The following PCSK5 variants were observed in gnomAD, a reference collection of about 807,000 sequenced individuals.
PCSK5 encodes proprotein convertase subtilisin/kexin type 5.
A neutral mutation model predicts 233.2 loss-of-function variants in PCSK5; 129 were observed. The ratio of observed to expected loss-of-function variants is 0.55; its 90% CI spans 0.48 to 0.64. PCSK5 has a LOEUF of 0.64. Among genes scored for constraint, PCSK5 ranks in the 30% least tolerant of loss-of-function variants. The probability of loss-of-function intolerance (pLI) is 0.00; values close to 1 mark genes in which losing one functional copy is unlikely to be tolerated. For missense variants in PCSK5, 2,076 were observed against 2,430.1 expected (o/e 0.85, Z 3.06); for synonymous variants, 825 against 879.2 (o/e 0.94, Z 1.09).
intron 2 of PCSK5, among the ~76,000 whole-genome samples, chr9:75,970,169 G>A (rs958641976): frequency 2.6e-5 from 4 of 152,042 alleles, no homozygotes; most frequent in South Asian, 4.1e-4. Flanking sequence ...CACCATGCCC[G>A]GCCACAGAAA....
chr9:76,017,919 C>T (rs1398629806), intron 3 of PCSK5, among the ~76,000 whole-genome samples: 1 of 150,756 alleles, frequency 6.6e-6, no homozygotes, highest in Non-Finnish European at 1.5e-5. Context: ...TCAAAAAGAA[C>T]CCATCAACTT....
intron 34 of PCSK5, among the ~76,000 whole-genome samples, chr9:76,337,360 A>G (rs1829707274): frequency 6.6e-6 from 1 of 151,682 alleles, no homozygotes; most frequent in Admixed American, 6.6e-5. Flanking sequence ...AGTAGAGATG[A>G]GGTTTCACCA....
At position 76,008,282 on chromosome 9, in the gene PCSK5, T is replaced by G. The variant is rs113718911; in HGVS notation, c.412-15456T>G. Among the ~76,000 whole-genome samples the G allele has an allele frequency of 9.2e-3, 1,399 of 152,280 alleles. 13 individuals are homozygous for G. The highest frequency in any genetic ancestry group is 0.02 in the Middle Eastern group (6 of 294). ...TGTTGTGTTCCTTTTTTCCTACTTA[T>G]GATATAAATCTGTGTTTAAAAATTT... is the stretch of plus-strand genomic sequence containing the variant. On this transcript the variant is annotated intron_variant, in intron 3 of 37. Coordinates refer to ENST00000674117, the MANE Select transcript of PCSK5 (RefSeq NM_001372043.1).
At chr9:76,134,647 A>G (rs1226918996) in intron 10 of PCSK5, among the ~76,000 whole-genome samples, 2 of 152,012 alleles carry the variant, frequency 1.3e-5, no homozygotes, top group African/African-American at 4.8e-5. Context: ...CATTCTACAA[A>G]TTTTGTTTTT....
chr9:76,277,036 T>A (rs1827715006), intron 24 of PCSK5, among the ~76,000 whole-genome samples: 1 of 152,086 alleles, frequency 6.6e-6, no homozygotes, highest in Non-Finnish European at 1.5e-5. Context: ...GAGACCAACC[T>A]GGCCAACATG....
At chr9:75,967,751 AG>A (rs1338971150) in intron 2 of PCSK5, among the ~76,000 whole-genome samples, 2 of 128,234 alleles carry the variant, frequency 1.6e-5, no homozygotes, top group African/African-American at 6.0e-5. Flanking sequence ...GAGCGCCTCA[AG>A]GGCAGTGCCC....
chr9:76,250,122 T>C (rs975809811), intron 24 of PCSK5, among the ~76,000 whole-genome samples: 1 of 152,160 alleles, frequency 6.6e-6, no homozygotes, highest in African/African-American at 2.4e-5. Flanking sequence ...CTGGCCAACA[T>C]GGTGAAACCC....
chr9:76,060,020 C>CAAGAGCCAAAAGGCTT (rs1829969195), intron 5 of PCSK5, among the ~76,000 whole-genome samples: 2 of 152,142 alleles, frequency 1.3e-5, no homozygotes, highest in African/African-American at 4.8e-5. Context: ...AAAAGACTTT[C>CAAGAGCCAAAAGGCTT]TCAAAGGTCT....
chr9:76,046,160 GTT>G (rs71372041), intron 5 of PCSK5, among the ~76,000 whole-genome samples: 2,306 of 58,060 alleles, frequency 0.04, 112 homozygotes, highest in East Asian at 0.23. Context: ...TTTTTCTTTT[GTT>G]TTTTTTTTTT....
At chr9:76,019,220 A>C (rs1828077516) in intron 3 of PCSK5, among the ~76,000 whole-genome samples, 1 of 152,150 alleles carries the variant, frequency 6.6e-6, no homozygotes, top group South Asian at 2.1e-4. Flanking sequence ...GTAAGGACCT[A>C]GTAAACGGTA....
intron 7 of PCSK5, among the ~76,000 whole-genome samples, chr9:76,079,193 T>C (rs2131616386): frequency 6.6e-6 from 1 of 151,926 alleles, no homozygotes; most frequent in Non-Finnish European, 1.5e-5. Flanking sequence ...AACCTCCGCC[T>C]CTGGGGTTCA....
chr9:75,944,177 G>GA (rs67822628), intron 2 of PCSK5, among the ~76,000 whole-genome samples: 32 of 141,758 alleles, frequency 2.3e-4, no homozygotes, highest in East Asian at 4.1e-4. Context: ...AAGAAAGAAA[G>GA]AAAAAAAATA....
At chr9:75,954,820 C>T (rs1417651195) in intron 2 of PCSK5, among the ~76,000 whole-genome samples, 1 of 151,996 alleles carries the variant, frequency 6.6e-6, no homozygotes, top group East Asian at 1.9e-4. Flanking sequence ...TCTGTGCTGT[C>T]CTTGCCAAGG....
At position 76,337,962 on chromosome 9, in the gene PCSK5, T is replaced by G. The variant is rs752581344; in HGVS notation, c.4749-268T>G. Among the ~76,000 whole-genome samples the G allele has an allele frequency of 1.1e-4, 16 of 152,318 alleles. No individual in the cohort carries two copies. The South Asian group carries it at 3.3e-3, about 32-fold the overall frequency. On this transcript the variant is annotated intron_variant, in intron 34 of 37. Coordinates refer to ENST00000674117, the MANE Select transcript of PCSK5 (RefSeq NM_001372043.1). ...TAGCTAGCAACGATGGAGGTGCTAC[T>G]AGGTGTTATAAGCACTAGGTCTTTT...
At chr9:76,208,466 C>T (rs868336014) in intron 20 of PCSK5, among the ~76,000 whole-genome samples, 48 of 152,186 alleles carry the variant, frequency 3.2e-4, no homozygotes, top group Admixed American at 3.9e-4. Context: ...ATACCAAATT[C>T]ACAGAATTGT....
At chr9:76,091,167 C>G (rs529869192) in intron 7 of PCSK5, among the ~76,000 whole-genome samples, 10 of 152,248 alleles carry the variant, frequency 6.6e-5, no homozygotes, top group East Asian at 1.9e-4. Context: ...CTGGCTTAAA[C>G]AAGGGAAATT....
chr9:76,167,180 C>T (rs887976025), intron 12 of PCSK5, among the ~76,000 whole-genome samples: 3 of 152,152 alleles, frequency 2.0e-5, no homozygotes, highest in African/African-American at 7.2e-5. Flanking sequence ...CCTGGTTCCT[C>T]ATTGAAGTGC....
At chr9:76,322,300 A>C (rs981646212) in intron 31 of PCSK5, among the ~76,000 whole-genome samples, 8 of 152,176 alleles carry the variant, frequency 5.3e-5, no homozygotes, top group African/African-American at 1.7e-4. Context: ...TAAGCCACAA[A>C]ACACAGAGGT....
At chr9:76,328,314 T>A in intron 33 of PCSK5, 75 bp downstream of exon 33, 1 of 1,031,646 alleles carries the variant, frequency 9.7e-7, no homozygotes, top group Non-Finnish European at 1.5e-6. Context: ...CCTTGTCCAG[T>A]AGATACTGGC....
Sources: gnomAD v4.1 joint callset for allele counts (sites outside exome capture counted in the v4.1 genomes callset) on GRCh38, gnomAD v4.1.1 for gene constraint, MANE v1.5 for transcripts, NCBI Gene and HGNC (gene_info 2026-07-23, HGNC 2026-07-21) for gene names.